The following SYT1 variants were observed in gnomAD, a reference collection of about 807,000 sequenced individuals.
SYT1 encodes the protein synaptotagmin 1.
Under a neutral mutation model 44.8 loss-of-function variants are expected in SYT1, and 8 were observed. The ratio of observed to expected loss-of-function variants is 0.18; its 90% CI spans 0.10 to 0.32. The LOEUF is 0.32. SYT1 is among the 10% of genes least tolerant of loss of function. The probability of loss-of-function intolerance (pLI) is 1.00; values close to 1 mark genes in which losing one functional copy is unlikely to be tolerated. For missense variants in SYT1, 286 were observed against 509.3 expected (o/e 0.56, Z 4.22); for synonymous variants, 154 against 188.8 (o/e 0.82, Z 1.51).
At chr12:78,974,869 A>G (rs1257475835) in intron 1 of SYT1, among the ~76,000 whole-genome samples, 1 of 152,186 alleles carries the variant, frequency 6.6e-6, no homozygotes, top group East Asian at 1.9e-4. Context: ...TCAAAGAGCA[A>G]CTAAAGAAAT....
rs116985220 is a variant in SYT1, at chr12:79,443,186, G to A, written c.929-887G>A. Among the ~76,000 whole-genome samples, 892 of 152,202 alleles carry A rather than the reference G, an allele frequency of 5.9e-3. 8 individuals carry two copies. The highest frequency in any genetic ancestry group is 9.8e-3 in the Non-Finnish European group (666 of 67,986). On this transcript the variant is annotated intron_variant, in intron 9 of 10. Transcript: ENST00000261205. ...TTTCCCATTACTTCAGTGTGTACCG[G>A]TCTCTTCTCTTTTCCTCGAACACTT...
chr12:79,043,401 G>T (rs1031623808), intron 2 of SYT1, among the ~76,000 whole-genome samples: 57 of 148,748 alleles, frequency 3.8e-4, no homozygotes, highest in East Asian at 4.0e-4. Context: ...TGTCTCTTTT[G>T]ATCTTTGTTG....
chr12:79,413,689 G>A (rs1002627039), intron 9 of SYT1, among the ~76,000 whole-genome samples: 20 of 151,976 alleles, frequency 1.3e-4, no homozygotes, highest in Non-Finnish European at 2.5e-4. Flanking sequence ...TTAATTCTTT[G>A]CAAGTTTTTA....
intron 1 of SYT1, among the ~76,000 whole-genome samples, chr12:78,924,880 T>C (rs931622893): frequency 2.0e-5 from 3 of 151,592 alleles, no homozygotes; most frequent in African/African-American, 7.3e-5. Context: ...TTCCTTTGAG[T>C]GAAAAGTATT....
At chr12:79,112,557 T>C (rs1302209056) in intron 3 of SYT1, among the ~76,000 whole-genome samples, 1 of 152,104 alleles carries the variant, frequency 6.6e-6, no homozygotes, top group Non-Finnish European at 1.5e-5. Context: ...TACAGGATGC[T>C]GTAAGAAGCT....
intron 3 of SYT1, among the ~76,000 whole-genome samples, chr12:79,144,639 C>T (rs61927286): frequency 0.086 from 13,095 of 152,206 alleles, 676 homozygotes; most frequent in African/African-American, 0.14. Context: ...ACTATTGACC[C>T]GACACTAGGA....
In SYT1 at chr12:79,286,451, A is replaced by T. The variant is rs74110314; in HGVS notation, c.351+480A>T. Among the ~76,000 whole-genome samples, 622 of 152,330 alleles carry T rather than the reference A, an allele frequency of 4.1e-3. 8 individuals are homozygous for T. Among genetic ancestry groups the T allele is most frequent in the African/African-American group, 0.015 (603 of 41,582 alleles). On this transcript the variant is annotated intron_variant, in intron 5 of 10. Transcript: ENST00000261205. ...ACATGTCCATCCAGCTGAAAAATTA[A>T]TTCTCAAGAATAATGAGTTACATGG...
chr12:79,414,840 C>T (rs796452066), intron 9 of SYT1, among the ~76,000 whole-genome samples: 1 of 152,012 alleles, frequency 6.6e-6, no homozygotes, highest in Non-Finnish European at 1.5e-5. Flanking sequence ...GCTGTCCCTG[C>T]CAGATGTAAA....
intron 1 of SYT1, among the ~76,000 whole-genome samples, chr12:78,951,734 C>T (rs1878977465): frequency 6.6e-6 from 1 of 152,130 alleles, no homozygotes; most frequent in Admixed American, 6.6e-5. Flanking sequence ...TACCAGTGAG[C>T]ATGTTAAAAG....
chr12:79,117,050 TA>T (rs950529353), intron 3 of SYT1, among the ~76,000 whole-genome samples: 1 of 152,200 alleles, frequency 6.6e-6, no homozygotes, highest in African/African-American at 2.4e-5. Flanking sequence ...GAACTAAAGT[TA>T]AATTCTTGAG....
chr12:79,437,528 G>C (rs538213215), intron 9 of SYT1, among the ~76,000 whole-genome samples: 1 of 152,284 alleles, frequency 6.6e-6, no homozygotes, highest in East Asian at 1.9e-4. Flanking sequence ...AAGAGTTAAG[G>C]TGGTCATGGC....
intron 1 of SYT1, among the ~76,000 whole-genome samples, chr12:78,964,350 C>A (rs535886037): frequency 6.6e-6 from 1 of 152,178 alleles, no homozygotes; most frequent in East Asian, 1.9e-4. Context: ...ATTTCATAAT[C>A]ATGTATCTGA....
intron 1 of SYT1, among the ~76,000 whole-genome samples, chr12:78,933,164 C>T (rs574786621): frequency 6.6e-6 from 1 of 152,102 alleles, no homozygotes; most frequent in Non-Finnish European, 1.5e-5. Context: ...CCTCATCTCT[C>T]TTTATCATCT....
At chr12:79,367,036 C>T (rs1002622813) in intron 9 of SYT1, among the ~76,000 whole-genome samples, 1 of 151,902 alleles carries the variant, frequency 6.6e-6, no homozygotes. Flanking sequence ...AAATCCTCCT[C>T]CCATCTCCTG....
chr12:79,194,597 A>G (rs1873332320), intron 3 of SYT1, among the ~76,000 whole-genome samples: 1 of 152,094 alleles, frequency 6.6e-6, no homozygotes, highest in Non-Finnish European at 1.5e-5. Flanking sequence ...ATTTTTAATG[A>G]GTAACCAGTG....
intron 9 of SYT1, chr12:79,393,807 T>G (rs1884765628): frequency 6.6e-6 from 1 of 152,218 alleles, no homozygotes; most frequent in South Asian, 2.1e-4. Context: ...TTTCGTTTAA[T>G]TAAATCCCAT....
intron 4 of SYT1, among the ~76,000 whole-genome samples, chr12:79,265,782 A>T (rs904334338): frequency 2.6e-5 from 4 of 152,210 alleles, no homozygotes; most frequent in African/African-American, 9.6e-5. Context: ...AAGTGAAAAA[A>T]ACTATAAATG....
intron 1 of SYT1, among the ~76,000 whole-genome samples, chr12:78,866,179 G>C (rs546142591): frequency 6.6e-6 from 1 of 152,250 alleles, no homozygotes; most frequent in African/African-American, 2.4e-5. Flanking sequence ...CATTTGTGTA[G>C]AATTTTCACT....
chr12:78,963,748 T>C lies in SYT1; in HGVS notation c.-216-14051T>C, dbSNP rs150245482. Reference sequence around the variant, plus strand: ...GAAAATGGAAAAAGGGTTCAGCTGCTAAAAAAGCAAGAGGAGGCTTCTCAG... The same window carrying C: ...GAAAATGGAAAAAGGGTTCAGCTGCCAAAAAAGCAAGAGGAGGCTTCTCAG... On this transcript the variant is annotated intron_variant, in intron 1 of 10. Transcript: ENST00000261205. Among the ~76,000 whole-genome samples the C allele has an allele frequency of 4.6e-3, 702 of 152,166 alleles. 8 individuals are homozygous for C. The highest frequency in any genetic ancestry group is 0.027 in the Middle Eastern group (8 of 294).
Sources: allele counts gnomAD v4.1 joint callset (sites outside exome capture counted in the v4.1 genomes callset), GRCh38; gene constraint gnomAD v4.1.1; transcripts MANE v1.5; gene names NCBI Gene and HGNC (gene_info 2026-07-23, HGNC 2026-07-21).